Variants in LRRC7 observed in about 807,000 individuals in gnomAD.
LRRC7 encodes leucine-rich repeat-containing protein 7.
A neutral mutation model predicts 175.7 loss-of-function variants in LRRC7; 23 were observed. The observed-to-expected ratio is 0.13, with a 90% confidence interval of 0.09 to 0.19. The LOEUF is 0.19. Ranked by LOEUF, LRRC7 falls within the 10% of genes least tolerant of loss-of-function variation. The pLI, the probability that LRRC7 is intolerant of heterozygous loss-of-function variation, is 1.00. For synonymous variants in LRRC7, 685 were observed against 680.9 expected, an observed-to-expected ratio of 1.01 and a Z score of -0.09; for missense variants, 1,354 against 1,904.7, an observed-to-expected ratio of 0.71 and a Z score of 5.38.
chr1:70,114,166 C>G (rs999262856), intron 26 of LRRC7, among the ~76,000 whole-genome samples: 1 of 152,048 alleles, frequency 6.6e-6, no homozygotes, highest in African/African-American at 2.4e-5. Flanking sequence ...CATTTCCCAA[C>G]AAGGCCAAGT....
chr1:69,608,509 A>G (rs1362197999), intron 1 of LRRC7, among the ~76,000 whole-genome samples: 3 of 152,080 alleles, frequency 2.0e-5, no homozygotes, highest in Non-Finnish European at 4.4e-5. Context: ...CAGCCAGTGC[A>G]GGCAGAGCCT....
At chr1:69,730,698 A>G (rs1667473681) in intron 2 of LRRC7, among the ~76,000 whole-genome samples, 1 of 152,120 alleles carries the variant, frequency 6.6e-6, no homozygotes, top group Admixed American at 6.6e-5. Flanking sequence ...TCTTCTTCTG[A>G]ACGCTTCCAA....
intron 10 of LRRC7, among the ~76,000 whole-genome samples, chr1:69,989,624 C>T (rs1024881422): frequency 3.3e-5 from 5 of 151,772 alleles, no homozygotes; most frequent in African/African-American, 1.2e-4. Flanking sequence ...ATAGAAATTG[C>T]ATTCTAAAAA....
At chr1:69,843,740 A>G (rs1318861683) in intron 7 of LRRC7, among the ~76,000 whole-genome samples, 1 of 152,160 alleles carries the variant, frequency 6.6e-6, no homozygotes, top group Non-Finnish European at 1.5e-5. Context: ...TTCACTTTAA[A>G]TTATATATGT....
rs374484036 is a variant in LRRC7 at position 70,089,714 on chromosome 1, C to A, written c.4453-13C>A. ...TAACTGTTTACTTACCATTTTATAT[C>A]TTTTTTACATAGTTTTGTGTGAGAA... is the stretch of plus-strand genomic sequence containing the variant. On this transcript the variant is annotated splice_polypyrimidine_tract_variant and intron_variant, in intron 24 of 26. Coordinates refer to ENST00000651989, the MANE Select transcript of LRRC7 (RefSeq NM_001370785.2). 2.6e-6 allele frequency: 4 copies of A among 1,549,420 alleles called. No individual in the cohort carries two copies. In the African/African-American group the frequency reaches 4.1e-5, roughly 16 times the overall value.
chr1:70,098,180 G>T (rs10465860), intron 25 of LRRC7, among the ~76,000 whole-genome samples: 28 of 152,232 alleles, frequency 1.8e-4, no homozygotes, highest in African/African-American at 4.6e-4. Flanking sequence ...GGTATCTCAT[G>T]GTGGTTTTGA....
chr1:69,592,222 G>A (rs576105225), intron 1 of LRRC7, among the ~76,000 whole-genome samples: 1 of 151,856 alleles, frequency 6.6e-6, no homozygotes, highest in African/African-American at 2.4e-5. Context: ...TATCTCTTTA[G>A]TTTGTAAAAA....
chr1:69,631,513 GT>G (rs1417379139), intron 1 of LRRC7, among the ~76,000 whole-genome samples: 5 of 152,056 alleles, frequency 3.3e-5, no homozygotes, highest in African/African-American at 1.2e-4. Flanking sequence ...TGGGGGTGAT[GT>G]TCTAGTTTTG....
At chr1:69,854,081 A>T (rs1402533899) in intron 7 of LRRC7, among the ~76,000 whole-genome samples, 1 of 152,210 alleles carries the variant, frequency 6.6e-6, no homozygotes, top group African/African-American at 2.4e-5. Context: ...GATATATTTG[A>T]AACAAGGATA....
intron 4 of LRRC7, among the ~76,000 whole-genome samples, chr1:69,813,726 T>C (rs1421648260): frequency 6.6e-6 from 1 of 152,028 alleles, no homozygotes; most frequent in Non-Finnish European, 1.5e-5. Context: ...TAAGCTTGGG[T>C]CTCCAGGGAA....
At chr1:69,750,794 A>G (rs1456705915) in intron 2 of LRRC7, among the ~76,000 whole-genome samples, 2 of 152,158 alleles carry the variant, frequency 1.3e-5, no homozygotes, top group Non-Finnish European at 2.9e-5. Context: ...GCCCTTTTGT[A>G]AGGCATTAAT....
intron 7 of LRRC7, among the ~76,000 whole-genome samples, chr1:69,927,048 A>T (rs1315356478): frequency 6.6e-6 from 1 of 152,032 alleles, no homozygotes; most frequent in Non-Finnish European, 1.5e-5. Flanking sequence ...AAAGTATTTT[A>T]TTTCTCCTTC....
At position 69,884,456 on chromosome 1, in the gene LRRC7, C is replaced by T. The variant is rs1319970766; in HGVS notation, c.647+46173C>T. On this transcript the variant is annotated intron_variant, in intron 7 of 26. Transcript: ENST00000651989. The stretch of plus-strand genomic sequence containing the variant: ...TATAAGAATGCTTGTGATTTTTGTA[C>T]ATTGATTTTGTATCCTGAGACTTTG... 1.6e-5 allele frequency among the ~76,000 whole-genome samples: 2 copies of T among 123,100 alleles called. 1 individual carries two copies. The highest frequency in any genetic ancestry group is 3.3e-5 in the Non-Finnish European group (2 of 60,196). 80.8% of individuals were successfully genotyped at this position (123,100 alleles called of 152,430 possible). A position where few individuals can be genotyped will look rare whatever the true frequency, so the allele number is the denominator to read the frequency against.
At chr1:69,924,930 G>A (rs567916073) in intron 7 of LRRC7, among the ~76,000 whole-genome samples, 61 of 152,284 alleles carry the variant, frequency 4.0e-4, no homozygotes, top group Admixed American at 3.9e-3. Flanking sequence ...GGTATTGGCT[G>A]TGGGTTTGTC....
intron 4 of LRRC7, among the ~76,000 whole-genome samples, chr1:69,820,307 T>TA (rs1377839306): frequency 6.6e-6 from 1 of 152,164 alleles, no homozygotes; most frequent in East Asian, 1.9e-4. Context: ...TGATCACTTA[T>TA]AAAAAATCCA....
At chr1:69,832,294 G>A (rs1312546372) in intron 5 of LRRC7, among the ~76,000 whole-genome samples, 2 of 152,100 alleles carry the variant, frequency 1.3e-5, no homozygotes, top group African/African-American at 2.4e-5. Context: ...CTGTCTCTGA[G>A]AGGGACATTA....
chr1:70,078,817 C>CACAT (rs1662992761), intron 24 of LRRC7, among the ~76,000 whole-genome samples: 1 of 122,516 alleles, frequency 8.2e-6, no homozygotes, highest in African/African-American at 3.5e-5. Flanking sequence ...CGCGCACACA[C>CACAT]ACACACGCAC....
chr1:69,956,456 T>C (rs1650498169), intron 8 of LRRC7, among the ~76,000 whole-genome samples: 1 of 151,888 alleles, frequency 6.6e-6, no homozygotes, highest in Admixed American at 6.6e-5. Context: ...GTTTTAACAG[T>C]AATAATGAGA....
chr1:69,686,787 T>A (rs898249208), intron 2 of LRRC7, among the ~76,000 whole-genome samples: 1 of 151,998 alleles, frequency 6.6e-6, no homozygotes, highest in African/African-American at 2.4e-5. Flanking sequence ...ATGGTGTAAA[T>A]ACCATGGTTA....
Sources: allele counts gnomAD v4.1 joint callset (sites outside exome capture counted in the v4.1 genomes callset), GRCh38; gene constraint gnomAD v4.1.1; transcripts MANE v1.5; gene names NCBI Gene and HGNC (gene_info 2026-07-23, HGNC 2026-07-21).